Variants in ADCY2 observed in about 807,000 individuals in gnomAD.
ADCY2 encodes the protein adenylate cyclase type 2.
ADCY2 carries 31 observed loss-of-function variants against 125.2 expected under a neutral mutation model. That is an observed-to-expected ratio of 0.25 (90% CI 0.19 to 0.33). The LOEUF (loss-of-function observed/expected upper bound fraction) is 0.33, where lower values mean the gene tolerates loss of function less well. ADCY2 is among the 10% of genes least tolerant of loss of function. The pLI is 1.00. For synonymous variants in ADCY2, 512 were observed against 548.4 expected (o/e 0.93, Z 0.93); for missense variants, 904 against 1,418.2 (o/e 0.64, Z 5.82).
chr5:7,806,794 C>T (rs1744774229), intron 22 of ADCY2, among the ~76,000 whole-genome samples: 1 of 152,222 alleles, frequency 6.6e-6, no homozygotes, highest in African/African-American at 2.4e-5. Context: ...AGGGAGGACA[C>T]AATCCTGTCC....
intron 2 of ADCY2, among the ~76,000 whole-genome samples, chr5:7,491,845 A>G (rs1446578725): frequency 6.6e-6 from 1 of 152,214 alleles, no homozygotes; most frequent in Non-Finnish European, 1.5e-5. Flanking sequence ...AAAACAACCA[A>G]ACAAGTTGTT....
At chr5:7,492,081 A>G (rs1028530654) in intron 2 of ADCY2, among the ~76,000 whole-genome samples, 15 of 152,200 alleles carry the variant, frequency 9.9e-5, no homozygotes, top group African/African-American at 3.6e-4. Context: ...TCTCAGCAGC[A>G]GGGATCACCC....
At chr5:7,592,801 G>T (rs1236286975) in intron 3 of ADCY2, among the ~76,000 whole-genome samples, 1 of 152,040 alleles carries the variant, frequency 6.6e-6, no homozygotes, top group Non-Finnish European at 1.5e-5. Context: ...TCTTGTACCA[G>T]GCAATGAAGA....
chr5:7,695,211 C>G (rs985201886), intron 5 of ADCY2, among the ~76,000 whole-genome samples: 3 of 152,238 alleles, frequency 2.0e-5, no homozygotes, highest in Non-Finnish European at 4.4e-5. Context: ...ATGAAGGGAG[C>G]TGCTCTGTCA....
At chr5:7,528,900 T>A (rs1332728754) in intron 3 of ADCY2, among the ~76,000 whole-genome samples, 1 of 152,188 alleles carries the variant, frequency 6.6e-6, no homozygotes, top group African/African-American at 2.4e-5. Flanking sequence ...CAGTAATCAA[T>A]CTTTGAAACC....
At chr5:7,825,526 C>T (rs571483020) in intron 24 of ADCY2, among the ~76,000 whole-genome samples, 28 of 152,340 alleles carry the variant, frequency 1.8e-4, no homozygotes, top group Non-Finnish European at 3.2e-4. Flanking sequence ...TGCAGCCATG[C>T]CAGCTGCCTT....
At chr5:7,500,832 A>C (rs1187649522) in intron 2 of ADCY2, among the ~76,000 whole-genome samples, 1 of 152,170 alleles carries the variant, frequency 6.6e-6, no homozygotes, top group African/African-American at 2.4e-5. Flanking sequence ...AGGTCACTCC[A>C]CACACCTAGC....
chr5:7,658,398 A>AT (rs1244657444), intron 4 of ADCY2, among the ~76,000 whole-genome samples: 11 of 94,490 alleles, frequency 1.2e-4, no homozygotes, highest in African/African-American at 4.0e-4. Context: ...AGTGAAGAGA[A>AT]TTGTGTGTGT....
At chr5:7,448,710 T>G (rs1741369973) in intron 2 of ADCY2, among the ~76,000 whole-genome samples, 1 of 152,172 alleles carries the variant, frequency 6.6e-6, no homozygotes, top group Admixed American at 6.5e-5. Flanking sequence ...CAGCTCCCAC[T>G]TATAAGTGAG....
chr5:7,754,663 T>G (rs114817902), intron 15 of ADCY2, among the ~76,000 whole-genome samples: 1 of 152,056 alleles, frequency 6.6e-6, no homozygotes, highest in East Asian at 1.9e-4. Context: ...GCTCTTCATA[T>G]TGTATTATAG....
At chr5:7,758,743 C>T (rs981519107) in intron 16 of ADCY2, among the ~76,000 whole-genome samples, 16 of 11,024 alleles carry the variant, frequency 1.5e-3, no homozygotes, top group Non-Finnish European at 6.5e-3. Flanking sequence ...GCAGGGCCTG[C>T]TCGATGGAAT....
At chr5:7,686,501 A>G (rs1485218459) in intron 4 of ADCY2, among the ~76,000 whole-genome samples, 1 of 152,254 alleles carries the variant, frequency 6.6e-6, no homozygotes, top group Non-Finnish European at 1.5e-5. Flanking sequence ...TAACCTTTGA[A>G]TATGCCAAAA....
Position 7,828,904 on chromosome 5 carries a change from T to C in ADCY2, c.*2033T>C, listed in dbSNP as rs187562785. 994 of 152,414 alleles carry C rather than the reference T, an allele frequency of 6.5e-3. 2 individuals are homozygous for C. The highest frequency in any genetic ancestry group is 9.0e-3 in the Non-Finnish European group (611 of 68,040). The allele number at this position is 152,414 out of a possible 1,614,324, so 9.4% of individuals were successfully genotyped here. ...TGAGTGAACACCCCCAGCTGGGTGG[T>C]CCACCAAGTTCTCATAAACAGAGTC... On this transcript the variant is annotated 3_prime_UTR_variant, in exon 25 of 25. Coordinates refer to ENST00000338316, the MANE Select transcript of ADCY2 (RefSeq NM_020546.3).
chr5:7,635,468 C>T (rs1290684457), intron 4 of ADCY2, among the ~76,000 whole-genome samples: 1 of 152,114 alleles, frequency 6.6e-6, no homozygotes, highest in Non-Finnish European at 1.5e-5. Flanking sequence ...GGGGTTTGAG[C>T]TTGAGCAACT....
chr5:7,421,073 T>C (rs2126350107), intron 2 of ADCY2, among the ~76,000 whole-genome samples: 1 of 152,276 alleles, frequency 6.6e-6, no homozygotes, highest in South Asian at 2.1e-4. Flanking sequence ...CCATAATTGC[T>C]GTGGCGCCCA....
chr5:7,431,030 G>T (rs1740579178), intron 2 of ADCY2, among the ~76,000 whole-genome samples: 1 of 152,088 alleles, frequency 6.6e-6, no homozygotes, highest in Non-Finnish European at 1.5e-5. Context: ...GTCCCAGCAA[G>T]CTTTTTCATA....
intron 2 of ADCY2, among the ~76,000 whole-genome samples, chr5:7,513,840 A>AT (rs1278182825): frequency 2.6e-5 from 4 of 152,280 alleles, no homozygotes; most frequent in Admixed American, 2.6e-4. Flanking sequence ...AATTTCTTAG[A>AT]TTTTTTGGAG....
At chr5:7,507,702 G>A (rs1025808671) in intron 2 of ADCY2, among the ~76,000 whole-genome samples, 1 of 152,092 alleles carries the variant, frequency 6.6e-6, no homozygotes, top group Non-Finnish European at 1.5e-5. Flanking sequence ...GTGTTGGAAC[G>A]AGGTGTTTTT....
At position 7,829,900 on chromosome 5, in the gene ADCY2, A is replaced by G. The variant is rs1325457919; in HGVS notation, c.*3029A>G. ...TGAGACCAGCCTGGGCAACATAGCA[A>G]GACCCCCATCTCTGCAAAAAAATAA... On this transcript the variant is annotated 3_prime_UTR_variant, in exon 25 of 25. Coordinates refer to ENST00000338316, the MANE Select transcript of ADCY2 (RefSeq NM_020546.3). 2.0e-5 allele frequency: 3 copies of G among 152,140 alleles called. No individual in the cohort carries two copies. The highest frequency in any genetic ancestry group is 2.9e-5 in the Non-Finnish European group (2 of 68,078). 9.4% of individuals were successfully genotyped at this position (152,140 alleles called of 1,614,324 possible). A position where few individuals can be genotyped will look rare whatever the true frequency, so the allele number is the denominator to read the frequency against.
Sources: gnomAD v4.1 joint callset for allele counts (sites outside exome capture counted in the v4.1 genomes callset) on GRCh38, gnomAD v4.1.1 for gene constraint, MANE v1.5 for transcripts, NCBI Gene and HGNC (gene_info 2026-07-23, HGNC 2026-07-21) for gene names.